Variants in USP43 observed in about 807,000 individuals in gnomAD.
USP43 encodes the protein ubiquitin carboxyl-terminal hydrolase 43.
A neutral mutation model predicts 90.7 loss-of-function variants in USP43; 33 were observed. That is an observed-to-expected ratio of 0.36 (90% CI 0.28 to 0.49). The LOEUF (loss-of-function observed/expected upper bound fraction) is 0.49, where lower values mean the gene tolerates loss of function less well. Among genes scored for constraint, USP43 ranks in the 20% least tolerant of loss-of-function variants. The pLI is 0.98. For synonymous variants in USP43, 598 were observed against 615.8 expected (o/e 0.97, Z 0.43); for missense variants, 1,274 against 1,476.4 (o/e 0.86, Z 2.25).
intron 12 of USP43, among the ~76,000 whole-genome samples, chr17:9,704,599 G>C (rs1232545807): frequency 1.3e-5 from 2 of 152,204 alleles, no homozygotes; most frequent in Admixed American, 6.5e-5. Context: ...TTACAGGCGT[G>C]AGCCACTGCG....
chr17:9,646,296 G>A (rs1031329033), intron 1 of USP43, among the ~76,000 whole-genome samples, 160 bp downstream of exon 1: 11 of 152,240 alleles, frequency 7.2e-5, no homozygotes, highest in African/African-American at 2.4e-4. Context: ...GTGTTACGCT[G>A]TCGCTTGCTT....
At chr17:9,680,694 G>T (rs1748280266) in intron 6 of USP43, among the ~76,000 whole-genome samples, 1 of 152,044 alleles carries the variant, frequency 6.6e-6, no homozygotes, top group Non-Finnish European at 1.5e-5. Flanking sequence ...CCCAGGTGAT[G>T]CCGATGCTGC....
At chr17:9,675,908 C>T (rs892355644) in intron 4 of USP43, among the ~76,000 whole-genome samples, 2 of 152,176 alleles carry the variant, frequency 1.3e-5, no homozygotes, top group East Asian at 1.9e-4. Flanking sequence ...TGGTCAAGAC[C>T]ACTGACTCTG....
At position 9,696,490 on chromosome 17, in the gene USP43, C is replaced by G. The variant is rs115815369; in HGVS notation, c.1457+3260C>G. 6.1e-3 allele frequency among the ~76,000 whole-genome samples: 927 copies of G among 152,288 alleles called. 11 individuals are homozygous for G. Among genetic ancestry groups the G allele is most frequent in the African/African-American group, 0.02 (835 of 41,560 alleles). Reference sequence around the variant, plus strand: ...TCTACTGCCTTTAGGCCAAAGTCTCCTAGATCCATATCTCCTGCCCAGATT... The same window carrying G: ...TCTACTGCCTTTAGGCCAAAGTCTCGTAGATCCATATCTCCTGCCCAGATT... On this transcript the variant is annotated intron_variant, in intron 9 of 14. Transcript: ENST00000285199.
intron 8 of USP43, among the ~76,000 whole-genome samples, chr17:9,687,357 C>A (rs900438559): frequency 6.6e-6 from 1 of 151,980 alleles, no homozygotes; most frequent in Non-Finnish European, 1.5e-5. Context: ...TTTCAAGGGA[C>A]TTGAGATAGA....
chr17:9,717,863 C>T (rs561176731), intron 14 of USP43, among the ~76,000 whole-genome samples: 17 of 150,476 alleles, frequency 1.1e-4, no homozygotes, highest in African/African-American at 4.2e-4. Flanking sequence ...ATGGGGCGAT[C>T]TCAGCTCACT....
At chr17:9,684,364 T>C (rs919740716) in intron 7 of USP43, among the ~76,000 whole-genome samples, 2 of 152,104 alleles carry the variant, frequency 1.3e-5, no homozygotes, top group African/African-American at 4.8e-5. Flanking sequence ...TTTATGTCCA[T>C]CCTCGAATTT....
At chr17:9,704,597 G>A (rs1487008040) in intron 12 of USP43, among the ~76,000 whole-genome samples, 1 of 152,154 alleles carries the variant, frequency 6.6e-6, no homozygotes, top group African/African-American at 2.4e-5. Flanking sequence ...GATTACAGGC[G>A]TGAGCCACTG....
Position 9,701,202 on chromosome 17 carries a change from G to A in USP43, c.1619G>A (p.Cys540Tyr). The part of the protein sequence containing the change: ...QQQQAHQQHS[C>Y]TLDECFQFYT... Reference sequence around the variant, plus strand: ...CAGCAGGCGCATCAGCAGCACAGCTGTACCTTGGATGAATGTTTTCAGTTC... The same window carrying A: ...CAGCAGGCGCATCAGCAGCACAGCTATACCTTGGATGAATGTTTTCAGTTC... The change falls in exon 11 of 15, where the codon TGT becomes TAT. Residue 540 changes from cysteine (C) to tyrosine (Y), a missense_variant. This residue lies in a region of USP43 where 253 missense variants were observed against 276.0 expected (regional missense o/e 0.92). Coordinates refer to ENST00000285199, the MANE Select transcript of USP43 (RefSeq NM_153210.5). This position sits in a 1 kb window ranked among gnomAD's most constrained non-coding sequence, Gnocchi z 7.2. The A allele has an allele frequency of 6.3e-7, 1 of 1,596,176 alleles. No homozygotes were observed. The highest frequency in any genetic ancestry group is 8.5e-7 in the Non-Finnish European group (1 of 1,170,816).
At chr17:9,689,983 G>A (rs759672969) in intron 8 of USP43, among the ~76,000 whole-genome samples, 9 of 152,074 alleles carry the variant, frequency 5.9e-5, no homozygotes, top group Middle Eastern at 3.2e-3. Context: ...CGTTGATTTC[G>A]TCTTTGTTGA....
chr17:9,695,435 G>A (rs899418452), intron 9 of USP43, among the ~76,000 whole-genome samples: 4 of 152,086 alleles, frequency 2.6e-5, no homozygotes, highest in African/African-American at 9.7e-5. Context: ...CTGGGTTCAA[G>A]CAATTCTCCT....
At chr17:9,665,913 A>G (rs990414186) in intron 2 of USP43, among the ~76,000 whole-genome samples, 3 of 151,958 alleles carry the variant, frequency 2.0e-5, no homozygotes, top group African/African-American at 7.3e-5. Context: ...CAAGGAACAG[A>G]CTCTCATCTA....
intron 9 of USP43, among the ~76,000 whole-genome samples, chr17:9,697,691 G>A (rs939843641): frequency 2.1e-5 from 3 of 145,524 alleles, no homozygotes; most frequent in Non-Finnish European, 3.0e-5. Context: ...TGGCTGTGTA[G>A]TGTTCTGTGG....
At position 9,645,756 on chromosome 17, in the gene USP43, G is replaced by C; in HGVS notation, c.124G>C (p.Gly42Arg). The change falls in exon 1 of 15, where the codon GGG becomes CGG. Residue 42 changes from glycine (G) to arginine (R), a missense_variant. Around this residue, in one of 6 missense-constraint regions of USP43, gnomAD observed 112 missense variants for 106.6 expected, o/e 1.05. Transcript: ENST00000285199. The surrounding 1 kb of genome is among the most constrained non-coding windows in gnomAD (Gnocchi z 6.8). Reference sequence around the variant, plus strand: ...GGCGCTGGGCAGCCGCTCACGCCCCGGGGACTCACCGCCCCGGCCCCAGCC... The same window carrying C: ...GGCGCTGGGCAGCCGCTCACGCCCCCGGGACTCACCGCCCCGGCCCCAGCC... Reference protein sequence around the residue: ...LLALGSRSRPGDSPPRPQPGH... With the variant: ...LLALGSRSRPRDSPPRPQPGH... 1 of 1,396,626 alleles carries C rather than the reference G, an allele frequency of 7.2e-7. No individual in the cohort carries two copies. Among genetic ancestry groups the C allele is most frequent in the South Asian group, 1.6e-5 (1 of 62,684 alleles). The allele number at this position is 1,396,626 out of a possible 1,614,324, so 86.5% of individuals were successfully genotyped here.
intron 6 of USP43, among the ~76,000 whole-genome samples, chr17:9,682,533 G>A (rs1914351624): frequency 6.6e-6 from 1 of 152,202 alleles, no homozygotes; most frequent in African/African-American, 2.4e-5. Context: ...TTGTGCCACT[G>A]TACTCCATCC....
At chr17:9,653,542 C>A (rs570115584) in intron 1 of USP43, among the ~76,000 whole-genome samples, 2 of 151,028 alleles carry the variant, frequency 1.3e-5, no homozygotes, top group Non-Finnish European at 2.9e-5. Flanking sequence ...GAGCCAAGGT[C>A]GTGCCATTGC....
chr17:9,694,622 T>A (rs541739582), intron 9 of USP43, among the ~76,000 whole-genome samples: 3 of 152,196 alleles, frequency 2.0e-5, no homozygotes, highest in African/African-American at 7.2e-5. Context: ...ATTATTTATT[T>A]ATTTATTTAT....
chr17:9,655,537 A>C (rs181209739), intron 1 of USP43, among the ~76,000 whole-genome samples: 1 of 152,358 alleles, frequency 6.6e-6, no homozygotes, highest in East Asian at 1.9e-4. Flanking sequence ...TGGAATGTAC[A>C]TTTATGCAGA....
chr17:9,653,856 G>T (rs1912044142), intron 1 of USP43, among the ~76,000 whole-genome samples: 1 of 152,160 alleles, frequency 6.6e-6, no homozygotes, highest in South Asian at 2.1e-4. Context: ...AGAACCTAGG[G>T]GCTGGGTCCC....
Sources: allele counts gnomAD v4.1 joint callset (sites outside exome capture counted in the v4.1 genomes callset), GRCh38; gene constraint gnomAD v4.1.1; regional missense constraint gnomAD v4.1.1; non-coding constraint Gnocchi (gnomAD v3.1); transcripts MANE v1.5; gene names NCBI Gene and HGNC (gene_info 2026-07-23, HGNC 2026-07-21).